The following DOCK3 variants were observed in gnomAD, a reference collection of about 807,000 sequenced individuals.
DOCK3 encodes the protein dedicator of cytokinesis 3.
Under a neutral mutation model 265.6 loss-of-function variants are expected in DOCK3, and 60 were observed. That is an observed-to-expected ratio of 0.23 (90% CI 0.18 to 0.28). The LOEUF (loss-of-function observed/expected upper bound fraction) is 0.28. DOCK3 is among the 10% of genes least tolerant of loss of function. The probability of loss-of-function intolerance (pLI) is 1.00; values close to 1 mark genes in which losing one functional copy is unlikely to be tolerated. For synonymous variants in DOCK3, 881 were observed against 938.0 expected (o/e 0.94, Z 1.11); for missense variants, 1,981 against 2,594.3 (o/e 0.76, Z 5.14).
intron 6 of DOCK3, among the ~76,000 whole-genome samples, chr3:51,065,873 C>G (rs188342189): frequency 1.9e-3 from 292 of 152,288 alleles, no homozygotes; most frequent in African/African-American, 6.8e-3. Flanking sequence ...AAAGCTTCTA[C>G]AAGACAGAGA....
chr3:50,884,444 C>A (rs1355947062), intron 3 of DOCK3, among the ~76,000 whole-genome samples: 1 of 152,192 alleles, frequency 6.6e-6, no homozygotes, highest in Non-Finnish European at 1.5e-5. Context: ...AGTTGATAGA[C>A]ATCTGGGTTG....
intron 27 of DOCK3, among the ~76,000 whole-genome samples, chr3:51,294,801 A>G (rs1213260052): frequency 6.6e-6 from 1 of 152,150 alleles, no homozygotes; most frequent in Non-Finnish European, 1.5e-5. Context: ...CAGTGGGTGC[A>G]AAGTTTCAGT....
At chr3:50,756,856 T>G (rs2040190686) in intron 1 of DOCK3, among the ~76,000 whole-genome samples, 1 of 152,294 alleles carries the variant, frequency 6.6e-6, no homozygotes, top group South Asian at 2.1e-4. Context: ...TCACATCCTT[T>G]CCCTATTTAA....
At chr3:51,289,630 G>A (rs914687216) in intron 27 of DOCK3, among the ~76,000 whole-genome samples, 1 of 151,700 alleles carries the variant, frequency 6.6e-6, no homozygotes, top group African/African-American at 2.4e-5. Flanking sequence ...TTCCTGAATG[G>A]ATTTTTTTTT....
intron 3 of DOCK3, among the ~76,000 whole-genome samples, chr3:50,879,044 G>A (rs940336935): frequency 6.6e-6 from 1 of 152,078 alleles, no homozygotes; most frequent in African/African-American, 2.4e-5. Flanking sequence ...CATAAGTGAA[G>A]GAGAAATAAA....
chr3:51,091,316 T>TA (rs2082628182), intron 9 of DOCK3, among the ~76,000 whole-genome samples: 1 of 152,180 alleles, frequency 6.6e-6, no homozygotes, highest in African/African-American at 2.4e-5. Flanking sequence ...TGAGAGTGTG[T>TA]ATGTGTGTGT....
chr3:51,328,935 C>T (rs189182952), intron 32 of DOCK3, among the ~76,000 whole-genome samples: 1 of 152,184 alleles, frequency 6.6e-6, no homozygotes, highest in Non-Finnish European at 1.5e-5. Flanking sequence ...GGTGGATCAT[C>T]TGAGGTCAGG....
At chr3:50,964,470 C>T (rs939884923) in intron 5 of DOCK3, among the ~76,000 whole-genome samples, 1 of 151,964 alleles carries the variant, frequency 6.6e-6, no homozygotes, top group Non-Finnish European at 1.5e-5. Flanking sequence ...GGAAAAATTA[C>T]GTCTGGGATA....
At chr3:51,183,430 G>C (rs1170512821) in intron 12 of DOCK3, among the ~76,000 whole-genome samples, 1 of 151,956 alleles carries the variant, frequency 6.6e-6, no homozygotes, top group African/African-American at 2.4e-5. Context: ...GGGGGTGGGG[G>C]GAAGAGTGAG....
intron 3 of DOCK3, among the ~76,000 whole-genome samples, chr3:50,878,963 G>A (rs1261982708): frequency 2.6e-5 from 4 of 152,084 alleles, no homozygotes; most frequent in Non-Finnish European, 4.4e-5. Flanking sequence ...AAGAGAGTGG[G>A]GGCCAATATT....
chr3:50,939,657 G>A (rs1025233108), intron 5 of DOCK3, among the ~76,000 whole-genome samples: 2 of 152,118 alleles, frequency 1.3e-5, no homozygotes, highest in Admixed American at 6.5e-5. Flanking sequence ...ATTCAGGAAA[G>A]TATTTTAGAA....
In DOCK3 at chr3:50,841,726, G is replaced by GGTAACAATAAAC; in HGVS notation, c.162+11_162+12insGTAACAATAAAC. On this transcript the variant is annotated intron_variant, in intron 3 of 52. Coordinates refer to ENST00000266037, the MANE Select transcript of DOCK3 (RefSeq NM_004947.5). Reference sequence around the variant, plus strand: ...AAGCCAAATGTGAAGGTAATGAAAAGTTTATTGTTACCTTTTCTAATGTAG... The same window carrying GGTAACAATAAAC: ...AAGCCAAATGTGAAGGTAATGAAAAGGTAACAATAAACTTTATTGTTACCTTTTCTAATGTAG... 1.1e-6 allele frequency: 1 copy of GGTAACAATAAAC among 923,950 alleles called. No homozygotes were observed. Among genetic ancestry groups the GGTAACAATAAAC allele is most frequent in the Non-Finnish European group, 1.6e-6 (1 of 638,436 alleles). 57.2% of individuals were successfully genotyped at this position (923,950 alleles called of 1,614,324 possible). A position where few individuals can be genotyped will look rare whatever the true frequency, so the allele number is the denominator to read the frequency against.
intron 22 of DOCK3, among the ~76,000 whole-genome samples, chr3:51,249,441 G>A (rs369947168): frequency 0.058 from 6,589 of 114,430 alleles, 468 homozygotes; most frequent in East Asian, 0.27. Context: ...CTGTCCGGCC[G>A]CCCCTACTGG....
At chr3:51,036,878 G>A (rs776664217) in intron 5 of DOCK3, among the ~76,000 whole-genome samples, 1 of 152,058 alleles carries the variant, frequency 6.6e-6, no homozygotes. Flanking sequence ...TTTAAAAACG[G>A]GAGTTTCCCT....
At chr3:50,716,856 A>G (rs2037149312) in intron 1 of DOCK3, among the ~76,000 whole-genome samples, 1 of 152,098 alleles carries the variant, frequency 6.6e-6, no homozygotes. Flanking sequence ...CACCACTGTG[A>G]TGCTTCCCTT....
At chr3:50,967,835 T>A (rs2077077720) in intron 5 of DOCK3, among the ~76,000 whole-genome samples, 1 of 152,132 alleles carries the variant, frequency 6.6e-6, no homozygotes, top group Non-Finnish European at 1.5e-5. Context: ...ATGTGGGGAT[T>A]ATGGGAACTA....
chr3:51,212,016 T>G (rs545664833), intron 13 of DOCK3, among the ~76,000 whole-genome samples: 1 of 152,320 alleles, frequency 6.6e-6, no homozygotes, highest in South Asian at 2.1e-4. Context: ...AAGGCTCTCT[T>G]GTGCTCAGAA....
intron 12 of DOCK3, 70 bp from the exon 13 acceptor site, chr3:51,208,704 T>A: frequency 7.8e-6 from 10 of 1,275,396 alleles, no homozygotes; most frequent in Non-Finnish European, 1.1e-5. Flanking sequence ...AACTTAAGTG[T>A]TACACATTGG....
At chr3:50,761,837 A>G (rs531938885) in intron 1 of DOCK3, among the ~76,000 whole-genome samples, 19 of 152,368 alleles carry the variant, frequency 1.2e-4, no homozygotes, top group Middle Eastern at 3.4e-3. Context: ...TATTCACAAT[A>G]GCAAAGACTT....
Sources: allele counts gnomAD v4.1 joint callset (sites outside exome capture counted in the v4.1 genomes callset), GRCh38; gene constraint gnomAD v4.1.1; transcripts MANE v1.5; gene names NCBI Gene and HGNC (gene_info 2026-07-23, HGNC 2026-07-21).